PDE1A: variants seen among roughly 807,000 people sequenced by gnomAD.
PDE1A encodes the protein phosphodiesterase 1A, also known as dual specificity calcium/calmodulin-dependent 3',5'-cyclic nucleotide phosphodiesterase 1A.
In PDE1A, 35 loss-of-function variants were observed where a neutral mutation model predicts 61.7. The observed-to-expected ratio is 0.57, with a 90% confidence interval of 0.43 to 0.75. PDE1A has a LOEUF of 0.75. Among genes scored for constraint, PDE1A ranks in the 30% least tolerant of loss-of-function variants. The pLI is 0.00. For synonymous variants in PDE1A, 232 were observed against 213.2 expected (o/e 1.09, Z -0.77); for missense variants, 597 against 630.6 (o/e 0.95, Z 0.57).
At chr2:182,682,325 G>T in the PDE1A span, among the ~76,000 whole-genome samples, 1 of 152,164 alleles carries the variant, frequency 6.6e-6, no homozygotes, top group Non-Finnish European at 1.5e-5. Context: ...AAAAGTAGGG[G>T]TTTATATAGC....
intron 1 of PDE1A, among the ~76,000 whole-genome samples, chr2:182,373,275 G>T (rs1199648350): frequency 6.6e-6 from 1 of 152,184 alleles, no homozygotes; most frequent in East Asian, 1.9e-4. Flanking sequence ...GCTGCATGTG[G>T]TACTGTCAGG....
the PDE1A span, among the ~76,000 whole-genome samples, chr2:182,709,331 A>T: frequency 4.6e-5 from 7 of 152,216 alleles, no homozygotes; most frequent in Non-Finnish European, 2.9e-5. Context: ...CCACCGGGCC[A>T]GACATAATAA....
Position 182,280,717 on chromosome 2 carries a change from CT to C in PDE1A, c.54-16304del, listed in dbSNP as rs139416650. 4.6e-4 allele frequency among the ~76,000 whole-genome samples: 70 copies of C among 151,690 alleles called. No homozygotes were observed. In the East Asian group the frequency reaches 0.013, roughly 27 times the overall value. The stretch of plus-strand genomic sequence containing the variant: ...CTCTAATGCCTTCTCTTTTTTTCCT[CT>C]TTGATTTTGTGGGTTTATAAATTTT... On this transcript the variant is annotated intron_variant, in intron 1 of 13. Coordinates refer to ENST00000351439, the Ensembl canonical transcript of PDE1A.
intron 2 of PDE1A, among the ~76,000 whole-genome samples, chr2:182,476,847 A>G (rs1178868428): frequency 6.6e-6 from 1 of 151,632 alleles, no homozygotes; most frequent in East Asian, 1.9e-4. Flanking sequence ...CTAGGAAGCA[A>G]CAATTATATA....
At chr2:182,377,856 T>C (rs1700501651) in intron 1 of PDE1A, among the ~76,000 whole-genome samples, 1 of 152,118 alleles carries the variant, frequency 6.6e-6, no homozygotes, top group Non-Finnish European at 1.5e-5. Flanking sequence ...CAGACAGTTT[T>C]TTTTTTTTTG....
At chr2:182,182,295 G>A (rs1364381954) in intron 13 of PDE1A, among the ~76,000 whole-genome samples, 1 of 151,990 alleles carries the variant, frequency 6.6e-6, no homozygotes, top group Non-Finnish European at 1.5e-5. Context: ...ATCTAATCTG[G>A]TAACAAATCC....
chr2:182,248,606 G>A (rs956062323), intron 2 of PDE1A, among the ~76,000 whole-genome samples: 1 of 152,188 alleles, frequency 6.6e-6, no homozygotes, highest in Non-Finnish European at 1.5e-5. Flanking sequence ...GGGAAGGGAA[G>A]TAAAGAAGGA....
chr2:182,539,263 A>G, the PDE1A span, among the ~76,000 whole-genome samples: 1 of 152,222 alleles, frequency 6.6e-6, no homozygotes, highest in Admixed American at 6.5e-5. Context: ...TGTGAAATTC[A>G]TATCATAAAA....
rs534477647 is a variant in PDE1A, at chr2:182,444,611, A to G, written c.101+77665T>C. ...TGAAGAGAAATCCATCTAACTGTCT[A>G]TCAATATATCTCTCTCTCTCTTTCT... is the stretch of plus-strand genomic sequence containing the variant. On this transcript the variant is annotated intron_variant, in intron 2 of 14. Transcript: ENST00000410103. 8.5e-5 allele frequency among the ~76,000 whole-genome samples: 13 copies of G among 152,148 alleles called. No individual in the cohort carries two copies. In the South Asian group the frequency reaches 2.7e-3, roughly 32 times the overall value.
intron 7 of PDE1A, among the ~76,000 whole-genome samples, chr2:182,213,102 C>A (rs1322948447): frequency 1.2e-4 from 18 of 150,494 alleles, no homozygotes; most frequent in African/African-American, 2.5e-4. Context: ...CAAGTGGGTC[C>A]CTGACCCCTG....
chr2:182,447,759 C>T (rs1176476940), intron 2 of PDE1A, among the ~76,000 whole-genome samples: 1 of 152,086 alleles, frequency 6.6e-6, no homozygotes, highest in Admixed American at 6.6e-5. Flanking sequence ...TGACACATTT[C>T]CCTACTAGGC....
intron 2 of PDE1A, among the ~76,000 whole-genome samples, chr2:182,494,430 C>A (rs1457252567): frequency 2.3e-5 from 3 of 131,154 alleles, no homozygotes; most frequent in African/African-American, 8.5e-5. Context: ...AACCACCATC[C>A]CTTAGCCCAG....
At chr2:182,487,706 A>G (rs764776954) in intron 2 of PDE1A, among the ~76,000 whole-genome samples, 2 of 152,186 alleles carry the variant, frequency 1.3e-5, no homozygotes, top group Non-Finnish European at 2.9e-5. Flanking sequence ...ACACAAGGGA[A>G]CTTTTAAGGA....
chr2:182,420,357 G>A (rs959171213), intron 1 of PDE1A, among the ~76,000 whole-genome samples: 1 of 152,036 alleles, frequency 6.6e-6, no homozygotes, highest in African/African-American at 2.4e-5. Flanking sequence ...TAACTTAAAA[G>A]TGACTTGACC....
At chr2:182,681,615 T>A in the PDE1A span, among the ~76,000 whole-genome samples, 1 of 151,824 alleles carries the variant, frequency 6.6e-6, no homozygotes, top group African/African-American at 2.4e-5. Context: ...TTTGTCAATA[T>A]CTACTTAAGG....
At chr2:182,685,746 T>C in the PDE1A span, among the ~76,000 whole-genome samples, 1 of 152,138 alleles carries the variant, frequency 6.6e-6, no homozygotes, top group African/African-American at 2.4e-5. Flanking sequence ...TAAACCAAAG[T>C]GTTACATCAG....
At chr2:182,584,297 A>G in the PDE1A span, among the ~76,000 whole-genome samples, 5,074 of 151,466 alleles carry the variant, frequency 0.033, 118 homozygotes, top group Middle Eastern at 0.055. Context: ...TTCTAGTTCT[A>G]CTGCTGACTA....
chr2:182,210,049 G>A (rs1173109055), intron 7 of PDE1A, among the ~76,000 whole-genome samples: 3 of 152,178 alleles, frequency 2.0e-5, no homozygotes, highest in Non-Finnish European at 1.5e-5. Context: ...ACCTACTGAA[G>A]GACATCTTGC....
At chr2:182,176,467 C>T (rs1298364040) in intron 13 of PDE1A, among the ~76,000 whole-genome samples, 1 of 140,266 alleles carries the variant, frequency 7.1e-6, no homozygotes, top group East Asian at 2.0e-4. Context: ...GGAGTTCACT[C>T]ATGATTTGGC....
Sources: gnomAD v4.1 joint callset for allele counts (sites outside exome capture counted in the v4.1 genomes callset) on GRCh38, gnomAD v4.1.1 for gene constraint, MANE v1.5 for transcripts, NCBI Gene and HGNC (gene_info 2026-07-23, HGNC 2026-07-21) for gene names.